The following PAK5 variants were observed in gnomAD, a reference collection of about 807,000 sequenced individuals.
PAK5 encodes p21 (RAC1) activated kinase 5.
In PAK5, 16 loss-of-function variants were observed where a neutral mutation model predicts 65.9. The observed-to-expected ratio is 0.24, with a 90% CI of 0.16 to 0.37. The LOEUF (loss-of-function observed/expected upper bound fraction) is 0.37, where lower values mean the gene tolerates loss of function less well. Ranked by LOEUF, PAK5 falls within the 10% of genes least tolerant of loss-of-function variation. The pLI is 1.00. For missense variants in PAK5, 785 were observed against 903.9 expected (o/e 0.87, Z 1.69); for synonymous variants, 371 against 354.9 (o/e 1.05, Z -0.51).
intron 3 of PAK5, among the ~76,000 whole-genome samples, chr20:9,607,288 A>G (rs1435003457): frequency 1.3e-5 from 2 of 152,246 alleles, no homozygotes; most frequent in Non-Finnish European, 2.9e-5. Context: ...AGCCAAAGGA[A>G]AATGGAGGGA....
At chr20:9,716,650 A>G (rs1036989607) in intron 1 of PAK5, among the ~76,000 whole-genome samples, 2 of 152,206 alleles carry the variant, frequency 1.3e-5, no homozygotes, top group African/African-American at 2.4e-5. Context: ...TAAATATTAG[A>G]TATCATAAAA....
chr20:9,592,735 T>C (rs1466071414), intron 3 of PAK5, among the ~76,000 whole-genome samples: 1 of 152,092 alleles, frequency 6.6e-6, no homozygotes, highest in Non-Finnish European at 1.5e-5. Context: ...TAGGTAGCAA[T>C]GGGCACTAGA....
intron 1 of PAK5, among the ~76,000 whole-genome samples, chr20:9,815,399 G>A (rs1194236888): frequency 6.6e-6 from 1 of 152,142 alleles, no homozygotes; most frequent in Non-Finnish European, 1.5e-5. Context: ...TTCTTGGGAA[G>A]AAAGTCATGA....
intron 6 of PAK5, among the ~76,000 whole-genome samples, chr20:9,558,025 T>TTTAC (rs1289197119): frequency 7.3e-6 from 1 of 136,318 alleles, no homozygotes; most frequent in Non-Finnish European, 1.5e-5. Context: ...TATTTATTTA[T>TTTAC]TTATTTATTT....
intron 3 of PAK5, among the ~76,000 whole-genome samples, chr20:9,600,247 A>C (rs542772077): frequency 1.8e-4 from 28 of 152,196 alleles, no homozygotes; most frequent in African/African-American, 5.8e-4. Flanking sequence ...TTTTGGTTTT[A>C]ATTGTAGTTT....
chr20:9,816,198 G>C (rs2049354860), intron 1 of PAK5, among the ~76,000 whole-genome samples: 1 of 151,856 alleles, frequency 6.6e-6, no homozygotes, highest in Non-Finnish European at 1.5e-5. Context: ...ATATATTCTG[G>C]GCAACTTGAA....
chr20:9,614,565 C>T (rs2046621319), intron 3 of PAK5, among the ~76,000 whole-genome samples: 1 of 152,096 alleles, frequency 6.6e-6, no homozygotes, highest in South Asian at 2.1e-4. Context: ...GGAAAAAAAT[C>T]CCAAAAGATG....
At chr20:9,764,524 C>A (rs1472638361) in intron 1 of PAK5, among the ~76,000 whole-genome samples, 5 of 152,096 alleles carry the variant, frequency 3.3e-5, no homozygotes, top group African/African-American at 9.7e-5. Context: ...TGCTCAGCAC[C>A]CTTTAGCCCA....
intron 3 of PAK5, among the ~76,000 whole-genome samples, chr20:9,593,242 T>G (rs939045063): frequency 2.6e-5 from 4 of 152,020 alleles, no homozygotes; most frequent in African/African-American, 9.7e-5. Context: ...AGTTGGAGTT[T>G]GCAGTCAGGT....
chr20:9,539,612 A>C lies in PAK5; in HGVS notation c.2010T>G (p.Ser670=), dbSNP rs757920975. The C allele has an allele frequency of 6.2e-7, 1 of 1,613,170 alleles. No homozygotes were observed. Among genetic ancestry groups the C allele is most frequent in the South Asian group, 1.1e-5 (1 of 91,032 alleles). The change falls in exon 10 of 10, where the codon TCT becomes TCG. Residue 670 remains serine, a synonymous_variant. Transcript: ENST00000353224. ...AGTCTAGGAATCCCCGGAGCACTGA[A>C]GAAACCTGTGAAAACACACAGATAC... ...PPRVKDLHKV[S]SVLRGFLDLM... is the part of the protein sequence containing the mutation.
intron 1 of PAK5, among the ~76,000 whole-genome samples, chr20:9,811,796 G>T (rs1251788522): frequency 9.2e-5 from 14 of 152,198 alleles, no homozygotes; most frequent in Admixed American, 9.2e-4. Flanking sequence ...GACAATGGAA[G>T]AAGTTACTAT....
rs2123015847 is a variant in PAK5, at chr20:9,580,601, C to T, written c.534G>A (p.Gly178=). 6.2e-7 allele frequency: 1 copy of T among 1,614,028 alleles called. No individual in the cohort carries two copies. Among genetic ancestry groups the T allele is most frequent in the Non-Finnish European group, 8.5e-7 (1 of 1,179,998 alleles). Residue 178 remains glycine (G), a synonymous_variant, in exon 4 of 10, where the codon GGG becomes GGA. Coordinates refer to ENST00000353224, the MANE Select transcript of PAK5 (RefSeq NM_177990.4). ...QNGHVMKMKH[G]EAYYSEVKPL... The stretch of plus-strand genomic sequence containing the variant: ...GCTTCACCTCAGAATAGTAGGCCTC[C>T]CCGTGCTTCATTTTCATTACGTGCC...
chr20:9,751,423 T>C (rs2048576143), intron 1 of PAK5, among the ~76,000 whole-genome samples: 1 of 152,138 alleles, frequency 6.6e-6, no homozygotes, highest in Non-Finnish European at 1.5e-5. Context: ...TCTCTCCTCA[T>C]CTCTTCTGAT....
At position 9,828,565 on chromosome 20, in the gene PAK5, G is replaced by A. The variant is rs138190571; in HGVS notation, c.-162+10197C>T. Among the ~76,000 whole-genome samples the A allele has an allele frequency of 2.6e-4, 39 of 152,194 alleles. No homozygotes were observed. The East Asian group carries it at 7.3e-3, about 29-fold the overall frequency. ...TATTCTTCCAGAAAGTTCACTTCCT[G>A]GGTCAGTAAACTGTAATGTAGCTAT... is the stretch of plus-strand genomic sequence containing the variant. On this transcript the variant is annotated intron_variant, in intron 1 of 9. Transcript: ENST00000353224.
At chr20:9,606,123 G>A (rs2046449587) in intron 3 of PAK5, among the ~76,000 whole-genome samples, 1 of 152,138 alleles carries the variant, frequency 6.6e-6, no homozygotes, top group African/African-American at 2.4e-5. Flanking sequence ...GGATCATGGG[G>A]GGTGAACTTC....
Position 9,537,657 on chromosome 20 carries a change from G to A in PAK5, c.*1805C>T, listed in dbSNP as rs2045192359. The stretch of plus-strand genomic sequence containing the variant: ...TTCTTTCTACTTCTACATAGTCCTG[G>A]TTAAATTAATACAATCTGTCTCATG... On this transcript the variant is annotated 3_prime_UTR_variant, in exon 10 of 10. Coordinates refer to ENST00000353224, the MANE Select transcript of PAK5 (RefSeq NM_177990.4). The A allele has an allele frequency of 4.6e-6, 1 of 218,804 alleles. No homozygotes were observed. The highest frequency in any genetic ancestry group is 2.3e-5 in the African/African-American group (1 of 44,386). 13.6% of individuals were successfully genotyped at this position (218,804 alleles called of 1,614,324 possible). A position where few individuals can be genotyped will look rare whatever the true frequency, so the allele number is the denominator to read the frequency against.
chr20:9,796,159 G>C (rs947798469), intron 1 of PAK5, among the ~76,000 whole-genome samples: 11 of 151,994 alleles, frequency 7.2e-5, no homozygotes, highest in African/African-American at 2.7e-4. Flanking sequence ...TCTAACCTCA[G>C]ACAGTTAATG....
At chr20:9,806,952 C>T (rs2049240148) in intron 1 of PAK5, among the ~76,000 whole-genome samples, 1 of 152,000 alleles carries the variant, frequency 6.6e-6, no homozygotes, top group Admixed American at 6.6e-5. Context: ...ATTTCCTTGC[C>T]TTCTTCAGCC....
intron 7 of PAK5, among the ~76,000 whole-genome samples, chr20:9,552,439 C>T (rs2045443173): frequency 6.6e-6 from 1 of 152,216 alleles, no homozygotes; most frequent in Admixed American, 6.5e-5. Context: ...CCCTGGTATA[C>T]TTCTGAAGGT....
Sources: allele counts gnomAD v4.1 joint callset (sites outside exome capture counted in the v4.1 genomes callset), GRCh38; gene constraint gnomAD v4.1.1; transcripts MANE v1.5; gene names NCBI Gene and HGNC (gene_info 2026-07-23, HGNC 2026-07-21).